The following VPS13D variants were observed in gnomAD, a reference collection of about 807,000 sequenced individuals.
VPS13D encodes vacuolar protein sorting 13 homolog D, also known as intermembrane lipid transfer protein VPS13D.
In VPS13D, 187 loss-of-function variants were observed where a neutral mutation model predicts 461.9. The observed-to-expected ratio is 0.40, with a 90% confidence interval of 0.36 to 0.46. The LOEUF is 0.46. Ranked by LOEUF, VPS13D falls within the 20% of genes least tolerant of loss-of-function variation. The pLI is 0.60. For synonymous variants in VPS13D, 1,951 were observed against 1,986.3 expected (o/e 0.98, Z 0.47); for missense variants, 4,711 against 5,364.9 (o/e 0.88, Z 3.81).
At position 12,327,763 on chromosome 1, in the gene VPS13D, T is replaced by C. The variant is rs768326159; in HGVS notation, c.8106T>C (p.Ser2702=). 2 of 1,614,176 alleles carry C rather than the reference T, an allele frequency of 1.2e-6. No individual in the cohort carries two copies. The highest frequency in any genetic ancestry group is 2.2e-5 in the South Asian group (2 of 91,084). The change falls in exon 36 of 70, where the codon TCT becomes TCC. Residue 2702 remains serine, a synonymous_variant. Coordinates refer to ENST00000620676, the MANE Select transcript of VPS13D (RefSeq NM_015378.4). ...SPGAVAAPLI[S]GVEIKAESVC... ...GGGCTGTGGCAGCGCCATTGATCTC[T>C]GGCGTGGAGATCAAAGCTGAGAGTG...
intron 67 of VPS13D, among the ~76,000 whole-genome samples, chr1:12,485,817 G>T (rs1645790372): frequency 6.6e-6 from 1 of 152,106 alleles, no homozygotes; most frequent in South Asian, 2.1e-4. Flanking sequence ...TAATTAAAAG[G>T]CAGCTTGACC....
intron 2 of VPS13D, among the ~76,000 whole-genome samples, chr1:12,234,832 A>T (rs1426363625): frequency 6.6e-6 from 1 of 152,258 alleles, no homozygotes; most frequent in Non-Finnish European, 1.5e-5. Flanking sequence ...TAAAGCCCCT[A>T]GCCTGCTGGC....
chr1:12,325,556 C>T (rs1253730065), intron 35 of VPS13D, among the ~76,000 whole-genome samples: 1 of 152,222 alleles, frequency 6.6e-6, no homozygotes, highest in Non-Finnish European at 1.5e-5. Flanking sequence ...CTGTACCCGG[C>T]CTCTTTCTAC....
At position 12,511,062 on chromosome 1, in the gene VPS13D, T is replaced by TGCTG; in HGVS notation, c.*2040_*2043dup. 1 of 152,354 alleles carries TGCTG rather than the reference T, an allele frequency of 6.6e-6. No homozygotes were observed. Among genetic ancestry groups the TGCTG allele is most frequent in the Non-Finnish European group, 1.5e-5 (1 of 68,052 alleles). The allele number at this position is 152,354 out of a possible 1,614,324, so 9.4% of individuals were successfully genotyped here. A position where few individuals can be genotyped will look rare whatever the true frequency, so the allele number is the denominator to read the frequency against. The stretch of plus-strand genomic sequence containing the variant: ...GAAAATCTGCTTTGGGCCGCAGCAG[T>TGCTG]GCTGGGTGTTCTCAGACCTGACTGA... On this transcript the variant is annotated 3_prime_UTR_variant, in exon 70 of 70. Transcript: ENST00000620676. The surrounding 1 kb of genome is among the most constrained non-coding windows in gnomAD (Gnocchi z 4.5).
At chr1:12,252,235 G>A (rs985016810) in intron 6 of VPS13D, among the ~76,000 whole-genome samples, 4 of 152,144 alleles carry the variant, frequency 2.6e-5, no homozygotes, top group African/African-American at 9.7e-5. Context: ...GGGAAGGGAA[G>A]ACACTATTCA....
rs369608922 is a variant in VPS13D, at chr1:12,385,748, A to G, written c.11484+375A>G. ...GTTTGAAAAGGAAGATGAGATGAACATGAAAAAGTATATTTATCTGACGTT... is the reference window on the plus strand; with the variant it reads ...GTTTGAAAAGGAAGATGAGATGAACGTGAAAAAGTATATTTATCTGACGTT... On this transcript the variant is annotated intron_variant, in intron 59 of 69. Coordinates refer to ENST00000620676, the MANE Select transcript of VPS13D (RefSeq NM_015378.4). Among the ~76,000 whole-genome samples the G allele has an allele frequency of 2.8e-4, 42 of 152,380 alleles. 3 individuals carry two copies. The highest frequency in any genetic ancestry group is 2.1e-3 in the Admixed American group (32 of 15,312).
chr1:12,258,224 A>G (rs748536586), intron 10 of VPS13D, 121 bp downstream of exon 10: 129 of 1,257,138 alleles, frequency 1.0e-4, no homozygotes, highest in African/African-American at 5.3e-4. Context: ...GCTAAATTTT[A>G]TAGGATAGAG....
Position 12,466,669 on chromosome 1 carries a change from A to G in VPS13D, c.12662+6273A>G, listed in dbSNP as rs550091455. The stretch of plus-strand genomic sequence containing the variant: ...GCTGTAGTAGCATCCATATAGAGGC[A>G]TGTATATGGTAGAGGTGAAAAGCTG... On this transcript the variant is annotated intron_variant, in intron 67 of 69. Coordinates refer to ENST00000620676, the MANE Select transcript of VPS13D (RefSeq NM_015378.4). Among the ~76,000 whole-genome samples, 7 of 151,976 alleles carry G rather than the reference A, an allele frequency of 4.6e-5. No individual in the cohort carries two copies. The South Asian group carries it at 1.2e-3, about 27-fold the overall frequency.
At chr1:12,330,190 G>T (rs889382976) in intron 37 of VPS13D, among the ~76,000 whole-genome samples, 1 of 152,154 alleles carries the variant, frequency 6.6e-6, no homozygotes, top group Non-Finnish European at 1.5e-5. Flanking sequence ...TGAGGAGGGC[G>T]GATCACCCTG....
intron 63 of VPS13D, among the ~76,000 whole-genome samples, chr1:12,404,175 A>T (rs1023693880): frequency 3.9e-5 from 6 of 152,070 alleles, no homozygotes; most frequent in Admixed American, 3.9e-4. Flanking sequence ...TTAAAAAAAA[A>T]AAAAAAACGA....
chr1:12,234,632 T>C (rs1311545089), intron 2 of VPS13D, among the ~76,000 whole-genome samples: 1 of 152,244 alleles, frequency 6.6e-6, no homozygotes, highest in Non-Finnish European at 1.5e-5. Context: ...CAGTTAACTT[T>C]TAGCTTTATG....
chr1:12,342,428 G>C (rs1163561441), intron 41 of VPS13D, among the ~76,000 whole-genome samples: 1 of 152,210 alleles, frequency 6.6e-6, no homozygotes, highest in Non-Finnish European at 1.5e-5. Context: ...TCTTGGCTCA[G>C]CCTTCCAAGT....
chr1:12,302,814 G>C (rs1642461215), intron 25 of VPS13D, among the ~76,000 whole-genome samples: 1 of 148,116 alleles, frequency 6.8e-6, no homozygotes, highest in Admixed American at 6.7e-5. Context: ...TGTTCTTAAG[G>C]CCCATTGAAA....
chr1:12,308,123 A>G (rs937233906), intron 26 of VPS13D, among the ~76,000 whole-genome samples: 2 of 152,190 alleles, frequency 1.3e-5, no homozygotes, highest in Non-Finnish European at 2.9e-5. Context: ...TTTCGTCATC[A>G]ATCCCCCAGC....
At chr1:12,262,262 A>G (rs1641134212) in intron 13 of VPS13D, among the ~76,000 whole-genome samples, 182 bp downstream of exon 13, 1 of 152,206 alleles carries the variant, frequency 6.6e-6, no homozygotes, top group African/African-American at 2.4e-5. Flanking sequence ...TCTGGTCATA[A>G]CATTCATCAA....
At chr1:12,481,117 A>G (rs1263793462) in intron 67 of VPS13D, among the ~76,000 whole-genome samples, 2 of 152,220 alleles carry the variant, frequency 1.3e-5, no homozygotes, top group Non-Finnish European at 2.9e-5. Context: ...TGTGTTGCTC[A>G]GAGAAGCATG....
intron 67 of VPS13D, chr1:12,464,991 A>G (rs1645463257): frequency 6.6e-6 from 1 of 152,238 alleles, no homozygotes. Flanking sequence ...AGAGCCTGCT[A>G]CCCTTCAAAC....
At chr1:12,497,316 A>C in intron 67 of VPS13D, 184 bp from the exon 68 acceptor site, 1 of 581,912 alleles carries the variant, frequency 1.7e-6, no homozygotes, top group Non-Finnish European at 2.6e-6. Context: ...GCAGGATTCA[A>C]AGTCAAATGA....
chr1:12,436,319 C>A (rs1017787864), intron 65 of VPS13D, among the ~76,000 whole-genome samples: 1 of 152,170 alleles, frequency 6.6e-6, no homozygotes, highest in Non-Finnish European at 1.5e-5. Flanking sequence ...ATCCTGAAGT[C>A]CAAGGAGATG....
Sources: gnomAD v4.1 joint callset for allele counts (sites outside exome capture counted in the v4.1 genomes callset) on GRCh38, gnomAD v4.1.1 for gene constraint, Gnocchi (gnomAD v3.1) non-coding constraint, MANE v1.5 for transcripts, NCBI Gene and HGNC (gene_info 2026-07-23, HGNC 2026-07-21) for gene names.